MID1: variants seen among roughly 807,000 people sequenced by gnomAD.
MID1 encodes E3 ubiquitin-protein ligase Midline-1.
In MID1, 7 loss-of-function variants were observed where a neutral mutation model predicts 40.4. The observed-to-expected ratio is 0.17, with a 90% CI of 0.10 to 0.33. The LOEUF is 0.33. MID1 is among the 10% of genes least tolerant of loss of function. The probability of loss-of-function intolerance (pLI) is 1.00; values close to 1 mark genes in which losing one functional copy is unlikely to be tolerated. For synonymous variants in MID1, 229 were observed against 221.2 expected (o/e 1.04, Z -0.31); for missense variants, 367 against 558.5 (o/e 0.66, Z 3.46).
chrX:10,708,636 CA>C (rs1165872476), intron 1 of MID1, among the ~76,000 whole-genome samples: 1 of 111,426 alleles, frequency 9.0e-6, no homozygotes, highest in East Asian at 2.8e-4. Flanking sequence ...AGAAACAAGA[CA>C]AAAGTGCAAC....
intron 2 of MID1, among the ~76,000 whole-genome samples, chrX:10,564,599 C>T (rs892991799): frequency 6.3e-5 from 7 of 111,524 alleles, no homozygotes; most frequent in Admixed American, 4.8e-4. Flanking sequence ...GTAGAACAAC[C>T]GATAGGCCAC....
intron 3 of MID1, among the ~76,000 whole-genome samples, chrX:10,502,071 T>G (rs1931573939): frequency 8.9e-6 from 1 of 112,453 alleles, no homozygotes; most frequent in Admixed American, 9.4e-5. Flanking sequence ...CTCTTTTAAT[T>G]TGACTTGTAT....
At position 10,449,379 on chromosome X, in the gene MID1, G is replaced by A; in HGVS notation, c.1993C>T (p.Gln665Ter). Residue 665 changes from glutamine to a stop codon, truncating the protein, a stop_gained, in exon 10 of 10, where the codon CAG (glutamine) becomes TAG (stop). Transcript: ENST00000317552. LOFTEE classifies it high-confidence loss of function. ...ATGTGGCCAGACGCTCACGGCAGCT[G>A]CTCTGTGCAGTCCAAATGGTCTGGG... ...PIPDHLDCTE[Q>*]LP 14 of 1,209,263 alleles carry A rather than the reference G, an allele frequency of 1.2e-5. No homozygotes were observed. Among genetic ancestry groups the A allele is most frequent in the Non-Finnish European group, 1.6e-5 (14 of 893,514 alleles).
intron 2 of MID1, among the ~76,000 whole-genome samples, chrX:10,542,819 A>C (rs1341799935): frequency 1.8e-5 from 2 of 112,215 alleles, no homozygotes; most frequent in East Asian, 5.6e-4. Flanking sequence ...TCACATTAGA[A>C]GGCAACATCA....
chrX:10,809,415 A>G (rs766997160), intron 1 of MID1, among the ~76,000 whole-genome samples: 2 of 111,887 alleles, frequency 1.8e-5, no homozygotes, highest in South Asian at 7.5e-4. Context: ...TGACCCAGCC[A>G]TCCCATTACT....
chrX:10,672,978 G>A (rs755478032), intron 1 of MID1, among the ~76,000 whole-genome samples: 1 of 111,312 alleles, frequency 9.0e-6, no homozygotes, highest in African/African-American at 3.3e-5. Flanking sequence ...GAGCCACTGC[G>A]CCTGGCCGTG....
chrX:10,567,320 G>A lies in MID1; in HGVS notation c.228C>T (p.Asn76=), dbSNP rs1934592071. ...SQRGLDGLKR[N]VTLQNIIDRF... ...TGTCGATGATGTTCTGTAGGGTGAC[G>A]TTGCGCTTGAGCCCGTCTAGACCTC... The change falls in exon 2 of 10, where the codon AAC becomes AAT. Residue 76 remains asparagine (N), a synonymous_variant. Coordinates refer to ENST00000317552, the MANE Select transcript of MID1 (RefSeq NM_000381.4). 3 of 1,193,886 alleles carry A rather than the reference G, an allele frequency of 2.5e-6. No homozygotes were observed. Among genetic ancestry groups the A allele is most frequent in the South Asian group, 3.7e-5 (2 of 53,814 alleles).
chrX:10,509,590 C>T (rs1022402241), intron 3 of MID1, among the ~76,000 whole-genome samples: 1 of 111,610 alleles, frequency 9.0e-6, no homozygotes, highest in Non-Finnish European at 1.9e-5. Context: ...ATCCTCTTAG[C>T]CCTACCTGGG....
At chrX:10,662,888 C>G in intron 1 of MID1, among the ~76,000 whole-genome samples, 1 of 111,377 alleles carries the variant, frequency 9.0e-6, no homozygotes, top group South Asian at 3.8e-4. Context: ...CATCCTTGCT[C>G]AGAGTACTTC....
intron 1 of MID1, among the ~76,000 whole-genome samples, chrX:10,681,881 C>A (rs1247360558): frequency 8.9e-6 from 1 of 112,188 alleles, no homozygotes; most frequent in Non-Finnish European, 1.9e-5. Flanking sequence ...GCTATGGTGT[C>A]ATTCAGTAGA....
At chrX:10,697,837 T>G (rs2043170968) in intron 1 of MID1, among the ~76,000 whole-genome samples, 1 of 111,387 alleles carries the variant, frequency 9.0e-6, no homozygotes, top group Admixed American at 9.5e-5. Flanking sequence ...TTTAGCAGCA[T>G]CCCTAGCCTC....
At chrX:10,558,332 TC>T (rs200165554) in intron 2 of MID1, among the ~76,000 whole-genome samples, 10,857 of 111,390 alleles carry the variant, frequency 0.097, 880 homozygotes, top group African/African-American at 0.27. Flanking sequence ...AATCCACAGA[TC>T]TGTCAAAGCA....
chrX:10,718,940 A>C (rs1369670905), intron 1 of MID1, among the ~76,000 whole-genome samples: 1 of 111,852 alleles, frequency 8.9e-6, no homozygotes, highest in African/African-American at 3.2e-5. Flanking sequence ...GAACCAAAGA[A>C]AAAACCACAT....
chrX:10,643,768 A>G (rs1936230362), intron 1 of MID1, among the ~76,000 whole-genome samples: 1 of 111,523 alleles, frequency 9.0e-6, no homozygotes, highest in Non-Finnish European at 1.9e-5. Flanking sequence ...ATGTCCAACA[A>G]TGATAGACTG....
chrX:10,691,807 A>G (rs977018550), intron 1 of MID1, among the ~76,000 whole-genome samples: 39 of 111,872 alleles, frequency 3.5e-4, no homozygotes, highest in African/African-American at 1.2e-3. Context: ...CTATAGATGG[A>G]TGTGTGAGGA....
At chrX:10,814,464 G>A (rs1462445308) in intron 1 of MID1, among the ~76,000 whole-genome samples, 1 of 110,674 alleles carries the variant, frequency 9.0e-6, no homozygotes, top group Non-Finnish European at 1.9e-5. Context: ...ACACACTTGT[G>A]AGAAATAATA....
intron 1 of MID1, among the ~76,000 whole-genome samples, chrX:10,574,547 A>T (rs1421405453): frequency 8.9e-6 from 1 of 112,083 alleles, no homozygotes; most frequent in East Asian, 2.8e-4. Context: ...CACATCATCC[A>T]TAATTTTTAT....
chrX:10,555,925 G>A (rs1045524666), intron 2 of MID1, among the ~76,000 whole-genome samples: 2 of 110,539 alleles, frequency 1.8e-5, no homozygotes, highest in Non-Finnish European at 1.9e-5. Flanking sequence ...CAGTGGAGGA[G>A]TTGGAAGCTG....
At chrX:10,722,111 G>A (rs190301519) in intron 1 of MID1, among the ~76,000 whole-genome samples, 106 of 105,386 alleles carry the variant, frequency 1.0e-3, no homozygotes, top group African/African-American at 3.4e-3. Flanking sequence ...CAAGCATATG[G>A]CTGCAAAAAA....
Sources: allele counts gnomAD v4.1 joint callset (sites outside exome capture counted in the v4.1 genomes callset), GRCh38; gene constraint gnomAD v4.1.1; transcripts MANE v1.5; gene names NCBI Gene and HGNC (gene_info 2026-07-23, HGNC 2026-07-21).